Variants in NCLN observed in about 807,000 individuals in gnomAD.
NCLN encodes the protein BOS complex subunit NCLN.
Under a neutral mutation model 69.5 loss-of-function variants are expected in NCLN, and 34 were observed. The ratio of observed to expected loss-of-function variants is 0.49; its 90% CI spans 0.37 to 0.65. The LOEUF (loss-of-function observed/expected upper bound fraction) is 0.65. NCLN is among the 30% of genes least tolerant of loss of function. The pLI is 0.00. For synonymous variants in NCLN, 393 were observed against 358.3 expected (o/e 1.10, Z -1.09); for missense variants, 710 against 804.8 (o/e 0.88, Z 1.42).
intron 12 of NCLN, among the ~76,000 whole-genome samples, 176 bp downstream of exon 12, chr19:3,206,601 C>T (rs898665220): frequency 2.6e-5 from 4 of 152,206 alleles, no homozygotes; most frequent in African/African-American, 9.7e-5. Flanking sequence ...TTTGGGAATC[C>T]GAGGCAGGTG....
chr19:3,186,322 C>T (rs984203325), intron 1 of NCLN, 108 bp downstream of exon 1: 5 of 1,236,624 alleles, frequency 4.0e-6, no homozygotes, highest in East Asian at 3.2e-5. Flanking sequence ...CTGCCCGACC[C>T]ATGCTCAGGC....
In NCLN at chr19:3,203,988, C is replaced by T. The variant is rs1336141181; in HGVS notation, c.890-17C>T. 3.2e-6 allele frequency: 5 copies of T among 1,555,696 alleles called. No homozygotes were observed. Among genetic ancestry groups the T allele is most frequent in the Non-Finnish European group, 4.3e-6 (5 of 1,150,352 alleles). On this transcript the variant is annotated splice_polypyrimidine_tract_variant and intron_variant, in intron 7 of 14. Coordinates refer to ENST00000246117, the MANE Select transcript of NCLN (RefSeq NM_020170.4). ...TCCTGGTCCCCACCCACCCCGCCAG[C>T]TCTCGGTGTCCTGCAGACTCCAGCC...
At chr19:3,195,795 TAAAAA>T (rs1190764225) in intron 3 of NCLN, among the ~76,000 whole-genome samples, 1 of 150,876 alleles carries the variant, frequency 6.6e-6, no homozygotes, top group African/African-American at 2.4e-5. Context: ...TGTCTCAAAT[TAAAAA>T]AAAAGTTGTG....
At position 3,185,932 on chromosome 19, in the gene NCLN, G is replaced by T. The variant is rs1233302382; in HGVS notation, c.-99G>T. 1 of 891,636 alleles carries T rather than the reference G, an allele frequency of 1.1e-6. No homozygotes were observed. Among genetic ancestry groups the T allele is most frequent in the African/African-American group, 1.8e-5 (1 of 55,970 alleles). The allele number at this position is 891,636 out of a possible 1,614,324, so 55.2% of individuals were successfully genotyped here. A position where few individuals can be genotyped will look rare whatever the true frequency, so the allele number is the denominator to read the frequency against. ...GGGCTGCCCCGCGCGGCGCCCGCAG[G>T]ACCCCGGCGGCTACCCATGCCGAGG... is the stretch of plus-strand genomic sequence containing the variant. On this transcript the variant is annotated 5_prime_UTR_variant, in exon 1 of 15. Transcript: ENST00000246117.
chr19:3,188,049 C>T (rs1418353869), intron 1 of NCLN, among the ~76,000 whole-genome samples: 5 of 152,068 alleles, frequency 3.3e-5, no homozygotes, highest in South Asian at 2.1e-4. Context: ...CAAGTAGCCA[C>T]GCGTGCCTGC....
At chr19:3,192,864 C>T (rs1266307519) in intron 2 of NCLN, among the ~76,000 whole-genome samples, 3 of 152,150 alleles carry the variant, frequency 2.0e-5, no homozygotes, top group East Asian at 1.9e-4. Context: ...CAGGGAGGGC[C>T]GCTCCGGGCG....
chr19:3,204,109 A>G lies in NCLN; in HGVS notation c.994A>G (p.Thr332Ala), dbSNP rs1424993134. 6.6e-7 allele frequency: 1 copy of G among 1,517,346 alleles called. No homozygotes were observed. The highest frequency in any genetic ancestry group is 1.4e-5 in the African/African-American group (1 of 71,684). The allele number at this position is 1,517,346 out of a possible 1,614,324, so 94.0% of individuals were successfully genotyped here. Residue 332 changes from threonine (T) to alanine (A), a missense_variant, in exon 8 of 15, where the codon ACC (threonine) becomes GCC (alanine). Physicochemically the swap from Thr to Ala is moderately conservative, Grantham distance 58. Coordinates refer to ENST00000246117, the MANE Select transcript of NCLN (RefSeq NM_020170.4). ...LHVSKPPREG[T>A]LQHAFLRELE... ...CGTGTCCAAGCCGCCTCGGGAGGGC[A>G]CCCTGCAGCACGCCTTCCTGCGGGA...
rs561509739 is a variant in NCLN at position 3,197,812 on chromosome 19, G to A, written c.616-1005G>A. On this transcript the variant is annotated intron_variant, in intron 4 of 14. Transcript: ENST00000246117. ...ATTTTTGTATTTTTGGTAGAGACGG[G>A]GTTTCACCATGCTGGCCAGGCTGGT... 2.0e-5 allele frequency among the ~76,000 whole-genome samples: 3 copies of A among 152,252 alleles called. No individual in the cohort carries two copies. The South Asian group carries it at 6.2e-4, about 32-fold the overall frequency.
intron 1 of NCLN, 113 bp downstream of exon 1, chr19:3,186,327 T>A: frequency 1.6e-6 from 2 of 1,219,794 alleles, no homozygotes; most frequent in Non-Finnish European, 2.1e-6. Context: ...CGACCCATGC[T>A]CAGGCCCCAG....
At chr19:3,188,931 G>C (rs1421738164) in intron 1 of NCLN, among the ~76,000 whole-genome samples, 1 of 152,226 alleles carries the variant, frequency 6.6e-6, no homozygotes, top group African/African-American at 2.4e-5. Context: ...CCGAGGACAG[G>C]CCCTTGAGAA....
intron 1 of NCLN, among the ~76,000 whole-genome samples, chr19:3,189,210 C>G (rs1466815561): frequency 2.0e-5 from 3 of 152,144 alleles, no homozygotes; most frequent in Admixed American, 2.0e-4. Context: ...GCTCGGTGGC[C>G]GTTCACAGCA....
chr19:3,205,320 G>A lies in NCLN; in HGVS notation c.1208+569G>A, dbSNP rs1005267053. On this transcript the variant is annotated intron_variant, in intron 9 of 14. Coordinates refer to ENST00000246117, the MANE Select transcript of NCLN (RefSeq NM_020170.4). This position sits in a 1 kb window ranked among gnomAD's most constrained non-coding sequence, Gnocchi z 4.6. ...GGTGGGCGCCGTCTCCTCCCCCAGC[G>A]CCCGCAGTCCCGGCATAGATCCTTC... Among the ~76,000 whole-genome samples the A allele has an allele frequency of 2.6e-5, 4 of 152,196 alleles. No homozygotes were observed. The highest frequency in any genetic ancestry group is 7.2e-5 in the African/African-American group (3 of 41,460).
chr19:3,190,919 C>T (rs775747332), intron 1 of NCLN, among the ~76,000 whole-genome samples: 4 of 152,274 alleles, frequency 2.6e-5, no homozygotes, highest in East Asian at 3.9e-4. Context: ...CACTGAGGTC[C>T]GTGTCCCCAG....
intron 1 of NCLN, among the ~76,000 whole-genome samples, chr19:3,187,983 C>T (rs948058068): frequency 1.3e-5 from 2 of 152,170 alleles, no homozygotes; most frequent in Non-Finnish European, 2.9e-5. Flanking sequence ...GCCCCCAAAG[C>T]GTGGCCTGTG....
chr19:3,196,503 G>A (rs965793375), intron 4 of NCLN, among the ~76,000 whole-genome samples: 2 of 152,048 alleles, frequency 1.3e-5, no homozygotes, highest in African/African-American at 2.4e-5. Flanking sequence ...GCCCCTGCCA[G>A]CCCCCGGCCC....
chr19:3,200,237 C>T (rs749587040), intron 5 of NCLN, among the ~76,000 whole-genome samples: 1 of 152,212 alleles, frequency 6.6e-6, no homozygotes, highest in Non-Finnish European at 1.5e-5. Flanking sequence ...GCATGAGCCA[C>T]CGCGCCCACT....
intron 12 of NCLN, 97 bp downstream of exon 12, chr19:3,206,522 G>A: frequency 7.2e-7 from 1 of 1,394,382 alleles, no homozygotes; most frequent in Non-Finnish European, 9.5e-7. Flanking sequence ...GGGGATGCCA[G>A]GTGGAGCAAA....
rs145932625 is a variant in NCLN at position 3,193,412 on chromosome 19, C to T, written c.504C>T (p.Ser168=). 23 of 1,606,400 alleles carry T rather than the reference C, an allele frequency of 1.4e-5. No individual in the cohort carries two copies. In the East Asian group the frequency reaches 2.0e-4, roughly 14 times the overall value. Residue 168 remains serine, a synonymous_variant, in exon 3 of 15, where the codon TCC becomes TCT. Coordinates refer to ENST00000246117, the MANE Select transcript of NCLN (RefSeq NM_020170.4). ...QTQAASASQG[S]ASAAEVLLRT... ...AGGCTGCCTCCGCCTCCCAGGGCTC[C>T]GCCTCTGCTGCTGAAGGTGTGCTCT...
Position 3,204,098 on chromosome 19 carries a change from C to A in NCLN, c.983C>A (p.Pro328His). Residue 328 changes from proline (P) to histidine (H), a missense_variant, in exon 8 of 15, where the codon CCT becomes CAT. Coordinates refer to ENST00000246117, the MANE Select transcript of NCLN (RefSeq NM_020170.4). ...SSLHLHVSKP[P>H]REGTLQHAFL... ...CTGCACCTGCACGTGTCCAAGCCGCCTCGGGAGGGCACCCTGCAGCACGCC... is the reference window on the plus strand; with the variant it reads ...CTGCACCTGCACGTGTCCAAGCCGCATCGGGAGGGCACCCTGCAGCACGCC... The A allele has an allele frequency of 6.5e-7, 1 of 1,529,390 alleles. No individual in the cohort carries two copies. The allele number at this position is 1,529,390 out of a possible 1,614,324, so 94.7% of individuals were successfully genotyped here. A position where few individuals can be genotyped will look rare whatever the true frequency, so the allele number is the denominator to read the frequency against.
Sources: allele counts gnomAD v4.1 joint callset (sites outside exome capture counted in the v4.1 genomes callset), GRCh38; gene constraint gnomAD v4.1.1; non-coding constraint Gnocchi (gnomAD v3.1); transcripts MANE v1.5; gene names NCBI Gene and HGNC (gene_info 2026-07-23, HGNC 2026-07-21).